ST14: variants seen among roughly 807,000 people sequenced by gnomAD.
ST14 encodes the protein ST14 transmembrane serine protease matriptase, also known as suppressor of tumorigenicity 14 protein.
ST14 carries 40 observed loss-of-function variants against 96.5 expected under a neutral mutation model. The observed-to-expected ratio is 0.41, with a 90% confidence interval of 0.32 to 0.54. ST14 has a LOEUF of 0.54. Ranked by LOEUF, ST14 falls within the 20% of genes least tolerant of loss-of-function variation. The pLI, the probability that ST14 is intolerant of heterozygous loss-of-function variation, is 0.17. For missense variants in ST14, 1,066 were observed against 1,188.9 expected (o/e 0.90, Z 1.52); for synonymous variants, 506 against 492.1 (o/e 1.03, Z -0.37).
At chr11:130,186,796 GAT>G (rs1196250667) in intron 1 of ST14, among the ~76,000 whole-genome samples, 3 of 152,186 alleles carry the variant, frequency 2.0e-5, no homozygotes, top group Admixed American at 1.3e-4. Flanking sequence ...CCGATGTCTA[GAT>G]AGATGAATCA....
chr11:130,194,326 C>CCG, intron 8 of ST14, 38 bp downstream of exon 8: 1 of 1,613,538 alleles, frequency 6.2e-7, no homozygotes, highest in Non-Finnish European at 8.5e-7. Context: ...TGCCCTCGGG[C>CCG]CACAGAGAAG....
chr11:130,197,035 G>A (rs1953374307), intron 11 of ST14, among the ~76,000 whole-genome samples: 1 of 152,182 alleles, frequency 6.6e-6, no homozygotes, highest in African/African-American at 2.4e-5. Flanking sequence ...GCTTGCCTCT[G>A]TGGCCTGTTA....
Position 130,198,701 on chromosome 11 carries a change from C to T in ST14, c.1684+80C>T, listed in dbSNP as rs181681839. On this transcript the variant is annotated intron_variant, in intron 14 of 18. Coordinates refer to ENST00000278742, the MANE Select transcript of ST14 (RefSeq NM_021978.4). Reference sequence around the variant, plus strand: ...GCCCTGAGCACACGCACATGCAGGACGCCCCGAGTTTAATGAACACAAACC... The same window carrying T: ...GCCCTGAGCACACGCACATGCAGGATGCCCCGAGTTTAATGAACACAAACC... 210 of 1,398,094 alleles carry T rather than the reference C, an allele frequency of 1.5e-4. No individual in the cohort carries two copies. In the East Asian group the frequency reaches 3.4e-3, roughly 23 times the overall value. 86.6% of individuals were successfully genotyped at this position (1,398,094 alleles called of 1,614,324 possible).
intron 1 of ST14, among the ~76,000 whole-genome samples, chr11:130,171,907 AG>A (rs1226806640): frequency 5.3e-5 from 8 of 152,230 alleles, no homozygotes; most frequent in Admixed American, 4.6e-4. Context: ...GAACCAGTCC[AG>A]GGAGAGCCAC....
At chr11:130,198,660 G>C (rs760989313) in intron 14 of ST14, 39 bp downstream of exon 14, 14 of 1,570,226 alleles carry the variant, frequency 8.9e-6, no homozygotes, top group Non-Finnish European at 1.2e-5. Context: ...TGGGGGCCTC[G>C]CCCCTGGAGG....
intron 1 of ST14, among the ~76,000 whole-genome samples, chr11:130,170,531 G>A (rs1397743320): frequency 6.6e-6 from 1 of 152,166 alleles, no homozygotes; most frequent in East Asian, 1.9e-4. Context: ...AAGTACGGTG[G>A]CTTGTTGTGG....
At chr11:130,164,406 C>G (rs1953025369) in intron 1 of ST14, among the ~76,000 whole-genome samples, 1 of 151,076 alleles carries the variant, frequency 6.6e-6, no homozygotes, top group African/African-American at 2.4e-5. Context: ...TTCTCAGAGA[C>G]AAGTGTTGTT....
chr11:130,164,851 C>G (rs556101766), intron 1 of ST14, among the ~76,000 whole-genome samples: 6 of 152,104 alleles, frequency 3.9e-5, no homozygotes, highest in African/African-American at 1.4e-4. Flanking sequence ...GATTCTCCTG[C>G]CTCAGCCTCC....
intron 1 of ST14, among the ~76,000 whole-genome samples, chr11:130,173,619 C>A (rs1368012026): frequency 1.3e-5 from 2 of 151,614 alleles, no homozygotes; most frequent in Admixed American, 6.6e-5. Flanking sequence ...AAATCAAACA[C>A]CCTCCAACAA....
In ST14 at chr11:130,194,140, C is replaced by A. The variant is rs1478976589; in HGVS notation, c.876-9C>A. 2.5e-6 allele frequency: 4 copies of A among 1,613,956 alleles called. No homozygotes were observed. Among genetic ancestry groups the A allele is most frequent in the South Asian group, 2.2e-5 (2 of 91,092 alleles). On this transcript the variant is annotated splice_polypyrimidine_tract_variant and intron_variant, in intron 7 of 18. Transcript: ENST00000278742. ...TGCTCTTCCTAATGCCCGCCCTCTGCCCCCACAGGTTGTGTGGCACCTACC... is the reference window on the plus strand; with the variant it reads ...TGCTCTTCCTAATGCCCGCCCTCTGACCCCACAGGTTGTGTGGCACCTACC...
rs376065841 is a variant in ST14, at chr11:130,190,191, G to A, written c.634+43G>A. On this transcript the variant is annotated intron_variant, in intron 6 of 18. Coordinates refer to ENST00000278742, the MANE Select transcript of ST14 (RefSeq NM_021978.4). ...CTCCTCTTCTGGGTGGGGAAGAGGC[G>A]GGATGTGGCCAGATGCCCTTGAGCC... is the stretch of plus-strand genomic sequence containing the variant. 2,145 of 1,613,602 alleles carry A rather than the reference G, an allele frequency of 1.3e-3. 4 individuals are homozygous for A. The highest frequency in any genetic ancestry group is 1.7e-3 in the Non-Finnish European group (1,962 of 1,179,654).
intron 1 of ST14, 46 bp downstream of exon 1, chr11:130,160,106 C>A: frequency 7.6e-7 from 1 of 1,312,044 alleles, no homozygotes; most frequent in Non-Finnish European, 1.0e-6. Flanking sequence ...CTCCTGCCCG[C>A]CCGACCCTGC....
Position 130,187,042 on chromosome 11 carries a change from A to T in ST14, c.82-1072A>T, listed in dbSNP as rs976645037. 2.2e-4 allele frequency among the ~76,000 whole-genome samples: 34 copies of T among 152,188 alleles called. No individual in the cohort carries two copies. The highest frequency in any genetic ancestry group is 8.0e-4 in the African/African-American group (33 of 41,444). On this transcript the variant is annotated intron_variant, in intron 1 of 18. Coordinates refer to ENST00000278742, the MANE Select transcript of ST14 (RefSeq NM_021978.4). This position sits in a 1 kb window ranked among gnomAD's most constrained non-coding sequence, Gnocchi z 4.5. ...AGTTGATAATGGGTAAATGTGACAA[A>T]CCAAGACATATCAGCTTAAATTTAC...
At position 130,188,342 on chromosome 11, in the gene ST14, A is replaced by G. The variant is rs962422638; in HGVS notation, c.241+69A>G. ...GGCTGTCCCTCTTCCCTCAGCGGACAGACCCAGGGCCACCTACTGAGTACA... is the reference window on the plus strand; with the variant it reads ...GGCTGTCCCTCTTCCCTCAGCGGACGGACCCAGGGCCACCTACTGAGTACA... On this transcript the variant is annotated intron_variant, in intron 2 of 18. Transcript: ENST00000278742. The surrounding 1 kb of genome is among the most constrained non-coding windows in gnomAD (Gnocchi z 5.4). 1.9e-6 allele frequency: 3 copies of G among 1,586,806 alleles called. No homozygotes were observed. Among genetic ancestry groups the G allele is most frequent in the African/African-American group, 2.7e-5 (2 of 74,470 alleles).
intron 1 of ST14, among the ~76,000 whole-genome samples, chr11:130,182,770 C>T (rs1250824948): frequency 3.3e-5 from 5 of 151,728 alleles, no homozygotes; most frequent in Non-Finnish European, 7.4e-5. Context: ...GTACTTCAGC[C>T]TCCCGAATAG....
intron 10 of ST14, 30 bp from the exon 11 acceptor site, chr11:130,196,540 T>C (rs1454529639): frequency 6.6e-7 from 1 of 1,521,952 alleles, no homozygotes; most frequent in Admixed American, 1.8e-5. Context: ...CAGCTGTCCC[T>C]CCTCACCTTG....
chr11:130,180,225 C>G (rs1953179423), intron 1 of ST14, among the ~76,000 whole-genome samples: 1 of 152,144 alleles, frequency 6.6e-6, no homozygotes, highest in South Asian at 2.1e-4. Flanking sequence ...CGCCCCTGCC[C>G]CTTGACCTTG....
intron 16 of ST14, among the ~76,000 whole-genome samples, chr11:130,204,595 T>G (rs1027457569): frequency 3.9e-5 from 6 of 152,132 alleles, no homozygotes; most frequent in Admixed American, 1.3e-4. Context: ...GCAGATCACC[T>G]GAGGTCAGGA....
At position 130,190,104 on chromosome 11, in the gene ST14, A is replaced by G. The variant is rs749072838; in HGVS notation, c.599-9A>G. 1.5e-5 allele frequency: 25 copies of G among 1,614,066 alleles called. No homozygotes were observed. In the South Asian group the frequency reaches 2.4e-4, roughly 16 times the overall value. ...CAGGAAATGCTTTATTCTCCTTCTT[A>G]TTCTTCAGCCACGGACTCCAAAACA... On this transcript the variant is annotated splice_polypyrimidine_tract_variant and intron_variant, in intron 5 of 18. Transcript: ENST00000278742.
Sources: gnomAD v4.1 joint callset for allele counts (sites outside exome capture counted in the v4.1 genomes callset) on GRCh38, gnomAD v4.1.1 for gene constraint, Gnocchi (gnomAD v3.1) non-coding constraint, MANE v1.5 for transcripts, NCBI Gene and HGNC (gene_info 2026-07-23, HGNC 2026-07-21) for gene names.